FAT2: variants seen among roughly 807,000 people sequenced by gnomAD.
FAT2 encodes the protein protocadherin Fat 2.
In FAT2, 150 loss-of-function variants were observed where a neutral mutation model predicts 295.3. The observed-to-expected ratio is 0.51, with a 90% CI of 0.44 to 0.58. The LOEUF is 0.58. Among genes scored for constraint, FAT2 ranks in the 20% least tolerant of loss-of-function variants. FAT2 has a pLI of 0.00. For synonymous variants in FAT2, 2,026 were observed against 2,150.3 expected, an observed-to-expected ratio of 0.94 and a Z score of 1.60; for missense variants, 4,868 against 5,442.7, an observed-to-expected ratio of 0.89 and a Z score of 3.32.
intron 22 of FAT2, among the ~76,000 whole-genome samples, chr5:151,508,657 C>T (rs1032926002): frequency 2.0e-5 from 3 of 151,798 alleles, no homozygotes; most frequent in Non-Finnish European, 4.4e-5. Flanking sequence ...TTGCAGTGAG[C>T]CGAGATTGTG....
At chr5:151,517,455 C>T (rs369103610) in intron 20 of FAT2, among the ~76,000 whole-genome samples, 165 bp downstream of exon 20, 73 of 152,328 alleles carry the variant, frequency 4.8e-4, no homozygotes, top group African/African-American at 1.8e-3. Context: ...TGTGGCCATC[C>T]AGGACAGGAT....
Position 151,566,175 on chromosome 5 carries a change from G to A in FAT2, c.2757C>T (p.Asn919=), listed in dbSNP as rs141267600. The part of the protein sequence containing the change: ...TDLIITLEDV[N]DNSPQCITEH... The stretch of plus-strand genomic sequence containing the variant: ...CTGTGATGCACTGGGGAGAGTTGTC[G>A]TTGACATCCTCCAATGTGATTATCA... The change falls in exon 2 of 24, where the codon AAC becomes AAT. Residue 919 remains asparagine (N), a synonymous_variant. Transcript: ENST00000261800. 2.0e-4 allele frequency: 327 copies of A among 1,614,010 alleles called. No homozygotes were observed. Among genetic ancestry groups the A allele is most frequent in the South Asian group, 2.3e-4 (21 of 91,070 alleles).
intron 9 of FAT2, among the ~76,000 whole-genome samples, chr5:151,546,695 A>G (rs1490205289): frequency 1.3e-5 from 2 of 152,080 alleles, no homozygotes; most frequent in Non-Finnish European, 2.9e-5. Context: ...TTTGCATCAT[A>G]CAGAATTTTT....
chr5:151,584,860 C>T (rs888855014), intron 1 of FAT2, among the ~76,000 whole-genome samples: 3 of 152,260 alleles, frequency 2.0e-5, no homozygotes, highest in African/African-American at 4.8e-5. Flanking sequence ...TCCAGTTAGA[C>T]CTCACCTTGA....
chr5:151,570,150 G>T (rs1758463172), intron 1 of FAT2, among the ~76,000 whole-genome samples: 1 of 152,222 alleles, frequency 6.6e-6, no homozygotes, highest in Non-Finnish European at 1.5e-5. Context: ...GAAGGGAGCT[G>T]CCCAGGGCCT....
At position 151,525,346 on chromosome 5, in the gene FAT2, C is replaced by A. The variant is rs144485940; in HGVS notation, c.10506+422G>T. 3.8e-3 allele frequency among the ~76,000 whole-genome samples: 579 copies of A among 152,314 alleles called. 5 individuals carry two copies. The highest frequency in any genetic ancestry group is 7.2e-3 in the Admixed American group (110 of 15,298). On this transcript the variant is annotated intron_variant, in intron 18 of 23. Transcript: ENST00000261800. ...TACAATATCTCACTTGAGCCCCAAG[C>A]CAGTTCTCTGAGGTAGGTTGTTTTA...
rs776966231 is a variant in FAT2, at chr5:151,521,864, G to A, written c.10729C>T (p.His3577Tyr). The A allele has an allele frequency of 1.2e-6, 2 of 1,614,198 alleles. No homozygotes were observed. Among genetic ancestry groups the A allele is most frequent in the Non-Finnish European group, 8.5e-7 (1 of 1,180,024 alleles). The change falls in exon 19 of 24, where the codon CAC becomes TAC. Residue 3577 changes from histidine to tyrosine, a missense_variant. This residue lies in a region of FAT2 where 1,046 missense variants were observed against 1,210.1 expected (regional missense o/e 0.86). Transcript: ENST00000261800. Reference sequence around the variant, plus strand: ...CCATCAGGCGCACCCACTGAGAAGTGCCTGCCCAGGGTCTCCTCTTCTGCC... The same window carrying A: ...CCATCAGGCGCACCCACTGAGAAGTACCTGCCCAGGGTCTCCTCTTCTGCC... ...SLAEEETLGR[H>Y]FSVGAPDGKI...
Position 151,559,674 on chromosome 5 carries a change from C to T in FAT2, c.3575-3272G>A, listed in dbSNP as rs548710463. Among the ~76,000 whole-genome samples the T allele has an allele frequency of 5.3e-5, 8 of 151,468 alleles. No homozygotes were observed. The East Asian group carries it at 1.6e-3, about 29-fold the overall frequency. On this transcript the variant is annotated intron_variant, in intron 3 of 23. Transcript: ENST00000261800. ...GTGTGTGTGTGTCTGTCTCTCTCTCCCTCTCTCCCCCAACCCCATTTGGTT... is the reference window on the plus strand; with the variant it reads ...GTGTGTGTGTGTCTGTCTCTCTCTCTCTCTCTCCCCCAACCCCATTTGGTT...
intron 18 of FAT2, among the ~76,000 whole-genome samples, chr5:151,525,140 T>A (rs1418879642): frequency 6.6e-6 from 1 of 152,180 alleles, no homozygotes; most frequent in Non-Finnish European, 1.5e-5. Flanking sequence ...AAAGAATGAA[T>A]ACATCATTCC....
At chr5:151,518,927 G>A (rs1297604317) in intron 19 of FAT2, among the ~76,000 whole-genome samples, 1 of 152,188 alleles carries the variant, frequency 6.6e-6, no homozygotes, top group Admixed American at 6.5e-5. Context: ...CAGTTGTCAG[G>A]GGAGAGGATG....
At chr5:151,554,339 G>A (rs536414463) in intron 5 of FAT2, 23 bp downstream of exon 5, 50 of 1,597,262 alleles carry the variant, frequency 3.1e-5, no homozygotes, top group East Asian at 2.0e-4. Flanking sequence ...TCCTCCCTCC[G>A]TGGCTTCCTT....
In FAT2 at chr5:151,545,215, T is replaced by C; in HGVS notation, c.5912A>G (p.Asp1971Gly). ...VLDKSLQFDQDVYWAAVKENL... is the reference protein window; with the variant it reads ...VLDKSLQFDQGVYWAAVKENL... ...CTCCTTCACAGCTGCCCAGTAGACATCCTGATCAAACTGCAAGCTTTTGTC... is the reference window on the plus strand; with the variant it reads ...CTCCTTCACAGCTGCCCAGTAGACACCCTGATCAAACTGCAAGCTTTTGTC... The change falls in exon 10 of 24, where the codon GAT becomes GGT. Residue 1971 changes from aspartate to glycine, a missense_variant. Physicochemically the swap from Asp to Gly is moderately conservative, Grantham distance 94. Around this residue, in one of 5 missense-constraint regions of FAT2, gnomAD observed 3,297 missense variants for 3,669.4 expected, o/e 0.90. Coordinates refer to ENST00000261800, the MANE Select transcript of FAT2 (RefSeq NM_001447.3). 3 of 1,614,192 alleles carry C rather than the reference T, an allele frequency of 1.9e-6. No homozygotes were observed. The highest frequency in any genetic ancestry group is 1.7e-6 in the Non-Finnish European group (2 of 1,180,032).
At chr5:151,540,521 T>C (rs374893761) in intron 11 of FAT2, 46 bp downstream of exon 11, 24 of 1,547,538 alleles carry the variant, frequency 1.6e-5, no homozygotes, top group African/African-American at 1.4e-4. Context: ...CTCACTCTTA[T>C]CTTCCTTGCC....
At chr5:151,554,866 G>A (rs1445812426) in intron 4 of FAT2, among the ~76,000 whole-genome samples, 193 bp from the exon 5 acceptor site, 4 of 152,230 alleles carry the variant, frequency 2.6e-5, no homozygotes, top group Admixed American at 6.5e-5. Context: ...ACAGAGAAAG[G>A]AAGCAGAAAG....
chr5:151,571,424 G>T (rs1360688321), intron 1 of FAT2, among the ~76,000 whole-genome samples: 1 of 152,230 alleles, frequency 6.6e-6, no homozygotes, highest in Non-Finnish European at 1.5e-5. Flanking sequence ...AGAGCTTCCT[G>T]TTCACCAGGT....
chr5:151,557,950 G>A lies in FAT2; in HGVS notation c.3575-1548C>T, dbSNP rs541287620. 9.2e-5 allele frequency among the ~76,000 whole-genome samples: 14 copies of A among 152,222 alleles called. No individual in the cohort carries two copies. The South Asian group carries it at 2.1e-3, about 23-fold the overall frequency. On this transcript the variant is annotated intron_variant, in intron 3 of 23. Coordinates refer to ENST00000261800, the MANE Select transcript of FAT2 (RefSeq NM_001447.3). ...GCTCCAGCCTCAGGTTCCTTACAGG[G>A]GACCCACTAATCCCCTCTGTGCCTC...
chr5:151,584,224 C>T (rs1279487727), intron 1 of FAT2, among the ~76,000 whole-genome samples: 1 of 151,902 alleles, frequency 6.6e-6, no homozygotes, highest in Non-Finnish European at 1.5e-5. Flanking sequence ...CAGGGCATAC[C>T]AGGGCTGTGG....
rs758841077 is a variant in FAT2 at position 151,543,554 on chromosome 5, C to T, written c.7573G>A (p.Ala2525Thr). 6.2e-7 allele frequency: 1 copy of T among 1,614,164 alleles called. No homozygotes were observed. The highest frequency in any genetic ancestry group is 8.5e-7 in the Non-Finnish European group (1 of 1,180,010). ...GGGTTTATGGAGAACTTCTCACTTG[C>T]TAGTTTATTGATGATAGTATAATCT... is the stretch of plus-strand genomic sequence containing the variant. ...TIDYTIINKL[A>T]SEKFSINPNG... is the part of the protein sequence containing the mutation. Residue 2525 changes from alanine to threonine, a missense_variant, in exon 10 of 24, where the codon GCA becomes ACA. Physicochemically the swap from Ala to Thr is moderately conservative, Grantham distance 58. Coordinates refer to ENST00000261800, the MANE Select transcript of FAT2 (RefSeq NM_001447.3).
chr5:151,579,299 T>C (rs1758856166), intron 1 of FAT2, among the ~76,000 whole-genome samples: 1 of 152,172 alleles, frequency 6.6e-6, no homozygotes, highest in African/African-American at 2.4e-5. Context: ...GGGCCAGGCA[T>C]GGTGGCTCAT....
Sources: allele counts gnomAD v4.1 joint callset (sites outside exome capture counted in the v4.1 genomes callset), GRCh38; gene constraint gnomAD v4.1.1; regional missense constraint gnomAD v4.1.1; transcripts MANE v1.5; gene names NCBI Gene and HGNC (gene_info 2026-07-23, HGNC 2026-07-21).